Variants in ADGRL1 observed in about 807,000 individuals in gnomAD.
ADGRL1 encodes the protein adhesion G protein-coupled receptor L1, also known as CIRL-1.
Under a neutral mutation model 148.9 loss-of-function variants are expected in ADGRL1, and 31 were observed. That is an observed-to-expected ratio of 0.21 (90% CI 0.16 to 0.28). ADGRL1 has a LOEUF of 0.28. ADGRL1 is among the 10% of genes least tolerant of loss of function. ADGRL1 has a pLI of 1.00. For missense variants in ADGRL1, 1,521 were observed against 2,058.8 expected, an observed-to-expected ratio of 0.74 and a Z score of 5.05; for synonymous variants, 937 against 900.3, an observed-to-expected ratio of 1.04 and a Z score of -0.73.
intron 1 of ADGRL1, among the ~76,000 whole-genome samples, chr19:14,204,748 G>A (rs529300649): frequency 1.3e-5 from 2 of 150,836 alleles, no homozygotes; most frequent in African/African-American, 2.4e-5. Context: ...GAGACAGACA[G>A]AGAGAGAGAG....
intron 2 of ADGRL1, among the ~76,000 whole-genome samples, chr19:14,182,888 C>A (rs956078488): frequency 6.6e-6 from 1 of 152,216 alleles, no homozygotes. Context: ...CCCGCCAATG[C>A]CCTTCATACA....
rs183322811 is a variant in ADGRL1 at position 14,173,688 on chromosome 19, T to A, written c.285-2897A>T. Among the ~76,000 whole-genome samples, 3 of 152,260 alleles carry A rather than the reference T, an allele frequency of 2.0e-5. No homozygotes were observed. The East Asian group carries it at 5.8e-4, about 29-fold the overall frequency. The stretch of plus-strand genomic sequence containing the variant: ...TAGGCTGGGCGCAGTGGCTCATGGC[T>A]ATAATCCCAGCACTTTGGGAGGCCA... On this transcript the variant is annotated intron_variant, in intron 3 of 22. Coordinates refer to ENST00000361434, the MANE Select transcript of ADGRL1 (RefSeq NM_014921.5).
chr19:14,191,430 G>A, intron 1 of ADGRL1: 2 of 456,714 alleles, frequency 4.4e-6, no homozygotes, highest in Middle Eastern at 3.3e-4. Flanking sequence ...CACTCGGGAT[G>A]CTCCTGGCAC....
chr19:14,170,669 C>A lies in ADGRL1; in HGVS notation c.394+13G>T, dbSNP rs1970392104. ...GAAGGGCCCGCATCCGCACAAGGAA[C>A]AAGATGACTCACTGTAGGGGACACA... On this transcript the variant is annotated intron_variant, in intron 4 of 22. Coordinates refer to ENST00000361434, the MANE Select transcript of ADGRL1 (RefSeq NM_014921.5). The A allele has an allele frequency of 6.5e-7, 1 of 1,533,576 alleles. No homozygotes were observed. Among genetic ancestry groups the A allele is most frequent in the Non-Finnish European group, 9.0e-7 (1 of 1,108,344 alleles). 95.0% of individuals were successfully genotyped at this position (1,533,576 alleles called of 1,614,324 possible). A position where few individuals can be genotyped will look rare whatever the true frequency, so the allele number is the denominator to read the frequency against.
Position 14,151,134 on chromosome 19 carries a change from C to T in ADGRL1, c.4149G>A (p.Gly1383=), listed in dbSNP as rs776228563. The part of the protein sequence containing the change: ...PPGRDSLYAS[G]ANLRDSPSYP... ...AGGAGGGTGAGTCCCGCAGGTTGGC[C>T]CCGCTGGCATAGAGGGAGTCCCGGC... The change falls in exon 23 of 23, where the codon GGG becomes GGA. Residue 1383 remains glycine (G), a synonymous_variant. Coordinates refer to ENST00000361434, the MANE Select transcript of ADGRL1 (RefSeq NM_014921.5). The T allele has an allele frequency of 1.8e-4, 279 of 1,590,334 alleles. No individual in the cohort carries two copies. The highest frequency in any genetic ancestry group is 3.6e-5 in the Non-Finnish European group (42 of 1,170,472).
At chr19:14,194,713 G>A (rs34176847) in intron 1 of ADGRL1, among the ~76,000 whole-genome samples, 25,351 of 127,522 alleles carry the variant, frequency 0.2, 2,494 homozygotes, top group Non-Finnish European at 0.24. Context: ...CCCCACCCCC[G>A]GGCCCACACT....
rs544339397 is a variant in ADGRL1, at chr19:14,162,805, G to A, written c.996C>T (p.Ser332=). Residue 332 remains serine, a synonymous_variant, in exon 5 of 23, where the codon AGC becomes AGT. Transcript: ENST00000361434. This position sits in a 1 kb window ranked among gnomAD's most constrained non-coding sequence, Gnocchi z 5.4. ...AGTCCACGCGGTTGCCAGCCGCCTCGCTGTCATCATCCACGTACACGGAAC... is the reference window on the plus strand; with the variant it reads ...AGTCCACGCGGTTGCCAGCCGCCTCACTGTCATCATCCACGTACACGGAAC... ...VLRSVYVDDD[S]EAAGNRVDYA... The A allele has an allele frequency of 7.4e-6, 12 of 1,614,068 alleles. No homozygotes were observed. Among genetic ancestry groups the A allele is most frequent in the Admixed American group, 5.0e-5 (3 of 60,020 alleles).
Position 14,160,291 on chromosome 19 carries a change from T to G in ADGRL1, c.1621A>C (p.Ser541Arg). Reference sequence around the variant, plus strand: ...GCGATGTTGGCCGCGTTCTCCCCACTCTTGATCTGCATGAGGTGGGGGCGG... The same window carrying G: ...GCGATGTTGGCCGCGTTCTCCCCACGCTTGATCTGCATGAGGTGGGGGCGG... ...WVNQVAQKIK[S>R]GENAANIASE... The change falls in exon 8 of 23, where the codon AGT becomes CGT. Residue 541 changes from serine (S) to arginine (R), a missense_variant. Ser to Arg is a moderately radical substitution (Grantham distance 110). Around this residue, in one of 8 missense-constraint regions of ADGRL1, gnomAD observed 270 missense variants for 320.4 expected, o/e 0.84. Coordinates refer to ENST00000361434, the MANE Select transcript of ADGRL1 (RefSeq NM_014921.5). This position sits in a 1 kb window ranked among gnomAD's most constrained non-coding sequence, Gnocchi z 5.9. 3 of 1,589,792 alleles carry G rather than the reference T, an allele frequency of 1.9e-6. No individual in the cohort carries two copies. Among genetic ancestry groups the G allele is most frequent in the Non-Finnish European group, 2.6e-6 (3 of 1,160,772 alleles).
intron 2 of ADGRL1, among the ~76,000 whole-genome samples, chr19:14,181,476 T>C (rs1971191260): frequency 6.6e-6 from 1 of 152,150 alleles, no homozygotes; most frequent in Non-Finnish European, 1.5e-5. Flanking sequence ...CCCAGCACTT[T>C]GGAAGGCCGA....
rs1485629334 is a variant in ADGRL1, at chr19:14,155,616, T to C, written c.3126-89A>G. 6 of 1,401,748 alleles carry C rather than the reference T, an allele frequency of 4.3e-6. No homozygotes were observed. The highest frequency in any genetic ancestry group is 5.9e-6 in the Non-Finnish European group (6 of 1,018,076). The allele number at this position is 1,401,748 out of a possible 1,614,324, so 86.8% of individuals were successfully genotyped here. ...CCCCTGCAGCCTACAACGGGGGCCCTTGGGTGGGCCTGGGCACTGTCTGCA... is the reference window on the plus strand; with the variant it reads ...CCCCTGCAGCCTACAACGGGGGCCCCTGGGTGGGCCTGGGCACTGTCTGCA... On this transcript the variant is annotated intron_variant, in intron 17 of 22. Transcript: ENST00000361434. This position sits in a 1 kb window ranked among gnomAD's most constrained non-coding sequence, Gnocchi z 5.0.
intron 4 of ADGRL1, 32 bp from the exon 5 acceptor site, chr19:14,163,438 G>A (rs1409416107): frequency 7.1e-7 from 1 of 1,417,332 alleles, no homozygotes; most frequent in South Asian, 1.3e-5. Context: ...GGAGGAGGTA[G>A]GAGAGAAGGG....
intron 1 of ADGRL1, among the ~76,000 whole-genome samples, chr19:14,197,370 CCTT>C (rs1972325579): frequency 1.3e-5 from 2 of 151,746 alleles, no homozygotes; most frequent in African/African-American, 4.8e-5. Context: ...GCCCCCAACA[CCTT>C]CTCCCTCATC....
At position 14,157,329 on chromosome 19, in the gene ADGRL1, G is replaced by A. The variant is rs147302009; in HGVS notation, c.2667C>T (p.Thr889=). 6.2e-7 allele frequency: 1 copy of A among 1,614,188 alleles called. No individual in the cohort carries two copies. Among genetic ancestry groups the A allele is most frequent in the Non-Finnish European group, 8.5e-7 (1 of 1,180,022 alleles). Residue 889 remains threonine, a synonymous_variant, in exon 14 of 23, where the codon ACC becomes ACT. Coordinates refer to ENST00000361434, the MANE Select transcript of ADGRL1 (RefSeq NM_014921.5). This position sits in a 1 kb window ranked among gnomAD's most constrained non-coding sequence, Gnocchi z 7.5. ...GGTTGATGCACAGGTTCTTGTGGAT[G>A]GTGTTGCGGTCGGTCTGCAGCCCCC... The part of the protein sequence containing the change: ...FLRGLQTDRN[T]IHKNLCINLF...
At chr19:14,201,805 C>A (rs1310768035) in intron 1 of ADGRL1, among the ~76,000 whole-genome samples, 1 of 152,200 alleles carries the variant, frequency 6.6e-6, no homozygotes, top group African/African-American at 2.4e-5. Flanking sequence ...AACATCCTCG[C>A]GCGCTTGGAT....
At chr19:14,191,416 G>A (rs764038211) in intron 1 of ADGRL1, 5 of 456,542 alleles carry the variant, frequency 1.1e-5, no homozygotes, top group South Asian at 1.5e-5. Flanking sequence ...ATTCACACAC[G>A]AGACACTCGG....
Position 14,162,520 on chromosome 19 carries a change from G to A in ADGRL1, c.1195+86C>T, listed in dbSNP as rs1969500938. 4 of 1,215,340 alleles carry A rather than the reference G, an allele frequency of 3.3e-6. No homozygotes were observed. Among genetic ancestry groups the A allele is most frequent in the Middle Eastern group, 2.4e-4 (1 of 4,096 alleles). 75.3% of individuals were successfully genotyped at this position (1,215,340 alleles called of 1,614,324 possible). ...GATCCCCAAGAGCTCACAGGATGGG[G>A]CTCCCCACTCTGGGACCCAGGGGTG... On this transcript the variant is annotated intron_variant, in intron 5 of 22. Coordinates refer to ENST00000361434, the MANE Select transcript of ADGRL1 (RefSeq NM_014921.5). This position sits in a 1 kb window ranked among gnomAD's most constrained non-coding sequence, Gnocchi z 5.4.
At chr19:14,156,336 T>C in intron 16 of ADGRL1, 135 bp from the exon 17 acceptor site, 1 of 713,456 alleles carries the variant, frequency 1.4e-6, no homozygotes, top group Non-Finnish European at 2.4e-6. Flanking sequence ...TACCTGCCCC[T>C]GAGGTGCCCG....
Position 14,160,822 on chromosome 19 carries a change from A to G in ADGRL1, c.1511-126T>C. 1.4e-6 allele frequency: 1 copy of G among 694,742 alleles called. No homozygotes were observed. The highest frequency in any genetic ancestry group is 2.6e-6 in the Non-Finnish European group (1 of 381,310). 43.0% of individuals were successfully genotyped at this position (694,742 alleles called of 1,614,324 possible). Reference sequence around the variant, plus strand: ...GCGGGCGAAGAGGGAGGTGAGGGAAACACGGAGAAACAGACATGAAGCGGG... The same window carrying G: ...GCGGGCGAAGAGGGAGGTGAGGGAAGCACGGAGAAACAGACATGAAGCGGG... On this transcript the variant is annotated intron_variant, in intron 6 of 22. Transcript: ENST00000361434. This position sits in a 1 kb window ranked among gnomAD's most constrained non-coding sequence, Gnocchi z 5.9.
intron 4 of ADGRL1, chr19:14,170,454 A>T: frequency 2.1e-6 from 1 of 467,574 alleles, no homozygotes; most frequent in Non-Finnish European, 3.9e-6. Flanking sequence ...GAGCTGGAGA[A>T]GGTGTCCCCA....
Sources: allele counts gnomAD v4.1 joint callset (sites outside exome capture counted in the v4.1 genomes callset), GRCh38; gene constraint gnomAD v4.1.1; regional missense constraint gnomAD v4.1.1; non-coding constraint Gnocchi (gnomAD v3.1); transcripts MANE v1.5; gene names NCBI Gene and HGNC (gene_info 2026-07-23, HGNC 2026-07-21).